Variants in CDC42SE2 observed in about 807,000 individuals in gnomAD.
CDC42SE2 encodes CDC42 small effector 2, also known as CDC42 small effector protein 2.
A neutral mutation model predicts 11.5 loss-of-function variants in CDC42SE2; 3 were observed. The ratio of observed to expected loss-of-function variants is 0.26; its 90% CI spans 0.12 to 0.67. The LOEUF (loss-of-function observed/expected upper bound fraction) is 0.67. Ranked by LOEUF, CDC42SE2 falls within the 30% of genes least tolerant of loss-of-function variation. CDC42SE2 has a pLI of 0.80. For missense variants in CDC42SE2, 82 were observed against 106.8 expected (o/e 0.77, Z 1.02); for synonymous variants, 33 against 34.8 (o/e 0.95, Z 0.18).
At chr5:131,333,452 T>C (rs1758472309) in intron 2 of CDC42SE2, among the ~76,000 whole-genome samples, 1 of 152,200 alleles carries the variant, frequency 6.6e-6, no homozygotes, top group Non-Finnish European at 1.5e-5. Context: ...CGATGCAGGC[T>C]CTCTTTTGGT....
intron 2 of CDC42SE2, among the ~76,000 whole-genome samples, chr5:131,256,389 A>C (rs1385221995): frequency 6.6e-6 from 1 of 152,230 alleles, no homozygotes; most frequent in Non-Finnish European, 1.5e-5. Context: ...GATAGTCTAG[A>C]GAAGAGTTGG....
the CDC42SE2 span, among the ~76,000 whole-genome samples, chr5:131,216,516 A>AC: frequency 2.1e-4 from 32 of 149,680 alleles, no homozygotes; most frequent in African/African-American, 7.1e-4. Context: ...AAAAAAAAAA[A>AC]AAAAAACATT....
chr5:131,283,344 A>G (rs150774958), intron 1 of CDC42SE2, among the ~76,000 whole-genome samples: 115 of 152,300 alleles, frequency 7.6e-4, no homozygotes, highest in South Asian at 6.4e-3. Context: ...ACATCCTCTG[A>G]TAGCCGTTTA....
At chr5:131,223,898 G>A in the CDC42SE2 span, among the ~76,000 whole-genome samples, 1 of 152,152 alleles carries the variant, frequency 6.6e-6, no homozygotes, top group South Asian at 2.1e-4. Context: ...AAGCCAGCAA[G>A]TGTCCTCCAT....
chr5:131,385,531 C>A lies in CDC42SE2; in HGVS notation c.55-12C>A. The stretch of plus-strand genomic sequence containing the variant: ...GATCACTTTCTCAACACATTTGTTC[C>A]CCATATTTTAGAAAAGGCGACGGCG... On this transcript the variant is annotated splice_polypyrimidine_tract_variant and intron_variant, in intron 3 of 4. Coordinates refer to ENST00000505065, the MANE Select transcript of CDC42SE2 (RefSeq NM_001375635.1). 6.3e-7 allele frequency: 1 copy of A among 1,594,402 alleles called. No homozygotes were observed. The highest frequency in any genetic ancestry group is 8.6e-7 in the Non-Finnish European group (1 of 1,163,158).
chr5:131,315,294 C>CT (rs907196647), intron 1 of CDC42SE2, among the ~76,000 whole-genome samples: 1 of 152,140 alleles, frequency 6.6e-6, no homozygotes, highest in African/African-American at 2.4e-5. Flanking sequence ...AGAATTTGAA[C>CT]TTCAGCTTCT....
chr5:131,328,054 C>G, intron 2 of CDC42SE2, among the ~76,000 whole-genome samples: 1 of 152,136 alleles, frequency 6.6e-6, no homozygotes, highest in Non-Finnish European at 1.5e-5. Context: ...AGATAGAACT[C>G]CCCTTTTTAT....
intron 3 of CDC42SE2, among the ~76,000 whole-genome samples, chr5:131,385,104 T>G (rs1156875390): frequency 5.9e-5 from 9 of 152,110 alleles, no homozygotes; most frequent in African/African-American, 2.2e-4. Flanking sequence ...AGAAAGGTAA[T>G]TGGGTATAAT....
intron 3 of CDC42SE2, among the ~76,000 whole-genome samples, chr5:131,362,388 A>G (rs866760982): frequency 5.9e-5 from 9 of 152,222 alleles, no homozygotes; most frequent in South Asian, 4.1e-4. Context: ...TGTTGGCATC[A>G]GGAAACAGAT....
At chr5:131,334,537 A>G (rs1758506650) in intron 2 of CDC42SE2, among the ~76,000 whole-genome samples, 2 of 152,202 alleles carry the variant, frequency 1.3e-5, no homozygotes, top group Non-Finnish European at 1.5e-5. Context: ...TTCAGAAGGA[A>G]TGGTAACAGT....
At chr5:131,320,921 C>T (rs566224269) in intron 2 of CDC42SE2, among the ~76,000 whole-genome samples, 61 of 152,136 alleles carry the variant, frequency 4.0e-4, no homozygotes, top group African/African-American at 1.4e-3. Flanking sequence ...AGCTGGGTAG[C>T]CATCAGAAAA....
chr5:131,336,171 C>G (rs1016428473), intron 2 of CDC42SE2, among the ~76,000 whole-genome samples: 11 of 152,204 alleles, frequency 7.2e-5, no homozygotes, highest in Admixed American at 7.2e-4. Flanking sequence ...CTGGTGGTGA[C>G]AAAATCTCTC....
At chr5:131,219,538 T>C in the CDC42SE2 span, among the ~76,000 whole-genome samples, 10 of 152,268 alleles carry the variant, frequency 6.6e-5, no homozygotes, top group South Asian at 4.1e-4. Flanking sequence ...ACAAGTAAGA[T>C]TGAAAAACAC....
In CDC42SE2 at chr5:131,340,896, C is replaced by T. The variant is rs141352781; in HGVS notation, c.-285-18313C>T. On this transcript the variant is annotated intron_variant, in intron 2 of 4. Transcript: ENST00000505065. ...TTGACCATGTTGGCCAGGCTGGTCT[C>T]GAACTCCTGATCTCAAGTGATCTGC... is the stretch of plus-strand genomic sequence containing the variant. 4.6e-3 allele frequency among the ~76,000 whole-genome samples: 694 copies of T among 152,116 alleles called. 8 individuals are homozygous for T. Among genetic ancestry groups the T allele is most frequent in the Non-Finnish European group, 6.9e-3 (466 of 67,988 alleles).
At chr5:131,223,251 A>T in the CDC42SE2 span, among the ~76,000 whole-genome samples, 1 of 152,142 alleles carries the variant, frequency 6.6e-6, no homozygotes, top group African/African-American at 2.4e-5. Flanking sequence ...GCATCTTCAG[A>T]CCATCAGGAA....
chr5:131,292,857 A>T (rs1286357782), intron 1 of CDC42SE2, among the ~76,000 whole-genome samples: 1 of 134,208 alleles, frequency 7.5e-6, no homozygotes, highest in Non-Finnish European at 1.5e-5. Flanking sequence ...GGCTGCAGTG[A>T]GCTGAGATTG....
At chr5:131,274,654 C>T (rs1042847795) in intron 1 of CDC42SE2, among the ~76,000 whole-genome samples, 1 of 152,156 alleles carries the variant, frequency 6.6e-6, no homozygotes, top group Non-Finnish European at 1.5e-5. Flanking sequence ...TACTTAATAC[C>T]TAAGTATTCA....
intron 1 of CDC42SE2, among the ~76,000 whole-genome samples, chr5:131,277,210 A>G (rs527773314): frequency 6.2e-4 from 94 of 152,214 alleles, no homozygotes; most frequent in Non-Finnish European, 9.4e-4. Flanking sequence ...CATTTCACAC[A>G]TAACCATCTT....
intron 1 of CDC42SE2, among the ~76,000 whole-genome samples, chr5:131,280,911 A>C (rs944869777): frequency 3.9e-5 from 6 of 152,202 alleles, no homozygotes; most frequent in African/African-American, 1.4e-4. Flanking sequence ...GAAAAATTTT[A>C]GCATGTAAGA....
Sources: gnomAD v4.1 joint callset for allele counts (sites outside exome capture counted in the v4.1 genomes callset) on GRCh38, gnomAD v4.1.1 for gene constraint, MANE v1.5 for transcripts, NCBI Gene and HGNC (gene_info 2026-07-23, HGNC 2026-07-21) for gene names.